PLCH1: variants seen among roughly 807,000 people sequenced by gnomAD.
The protein encoded by PLCH1 is phospholipase C eta 1, also known as 1-phosphatidylinositol 4,5-bisphosphate phosphodiesterase eta-1.
In PLCH1, 60 loss-of-function variants were observed where a neutral mutation model predicts 126.7. That is an observed-to-expected ratio of 0.47 (90% CI 0.38 to 0.59). The LOEUF (loss-of-function observed/expected upper bound fraction) is 0.59. Among genes scored for constraint, PLCH1 ranks in the 20% least tolerant of loss-of-function variants. The pLI is 0.00. For synonymous variants in PLCH1, 719 were observed against 734.9 expected (o/e 0.98, Z 0.35); for missense variants, 1,723 against 2,040.0 (o/e 0.84, Z 2.99).
intron 2 of PLCH1, among the ~76,000 whole-genome samples, chr3:155,653,138 T>C (rs368123956): frequency 1.7e-5 from 1 of 58,060 alleles, no homozygotes; most frequent in Non-Finnish European, 3.0e-5. Flanking sequence ...GATATAGATA[T>C]AGATATAGAT....
chr3:155,620,804 A>C (rs1455495736), intron 2 of PLCH1, among the ~76,000 whole-genome samples: 2 of 152,118 alleles, frequency 1.3e-5, no homozygotes, highest in East Asian at 3.9e-4. Flanking sequence ...GGGACAGAGC[A>C]CCTGGGGGAA....
chr3:155,536,732 A>T (rs1723408360), intron 10 of PLCH1, among the ~76,000 whole-genome samples: 1 of 152,182 alleles, frequency 6.6e-6, no homozygotes, highest in Non-Finnish European at 1.5e-5. Flanking sequence ...GAGAAATCTC[A>T]CAGTGTGGAA....
At chr3:155,465,128 A>C (rs537286836) in intron 21 of PLCH1, among the ~76,000 whole-genome samples, 1 of 149,084 alleles carries the variant, frequency 6.7e-6, no homozygotes, top group Non-Finnish European at 1.5e-5. Context: ...AAAAAAAAAG[A>C]GTGACAGACA....
intron 2 of PLCH1, among the ~76,000 whole-genome samples, chr3:155,637,104 A>C (rs1296318720): frequency 1.3e-5 from 2 of 152,204 alleles, no homozygotes; most frequent in Non-Finnish European, 2.9e-5. Context: ...TAAATTATAT[A>C]CTTTTAGAAC....
intron 2 of PLCH1, among the ~76,000 whole-genome samples, chr3:155,665,851 T>C (rs1222627077): frequency 6.6e-6 from 1 of 152,214 alleles, no homozygotes; most frequent in Non-Finnish European, 1.5e-5. Flanking sequence ...CCAGTATTAA[T>C]ATTTCAGAGC....
intron 10 of PLCH1, among the ~76,000 whole-genome samples, chr3:155,528,302 A>G (rs1181857154): frequency 6.6e-6 from 1 of 151,632 alleles, no homozygotes; most frequent in Admixed American, 6.6e-5. Context: ...GAATCAAAGC[A>G]TTTATTTCTG....
At chr3:155,712,221 G>A (rs1345077399) in intron 1 of PLCH1, among the ~76,000 whole-genome samples, 2 of 152,184 alleles carry the variant, frequency 1.3e-5, no homozygotes, top group African/African-American at 4.8e-5. Context: ...CCTTGGGCAA[G>A]TTTTTAACAA....
chr3:155,455,759 A>G (rs780025105), intron 21 of PLCH1, among the ~76,000 whole-genome samples: 26 of 152,236 alleles, frequency 1.7e-4, no homozygotes, highest in Non-Finnish European at 3.2e-4. Flanking sequence ...TTACTTCTAC[A>G]AAGAAATACA....
intron 2 of PLCH1, among the ~76,000 whole-genome samples, chr3:155,645,430 A>C (rs115350130): frequency 6.6e-6 from 1 of 152,160 alleles, no homozygotes; most frequent in Non-Finnish European, 1.5e-5. Flanking sequence ...TATAAGACAC[A>C]TAGTCACAGA....
At chr3:155,610,766 C>A in intron 2 of PLCH1, among the ~76,000 whole-genome samples, 1 of 147,920 alleles carries the variant, frequency 6.8e-6, no homozygotes, top group East Asian at 2.0e-4. Context: ...CTCCTTAAAG[C>A]ATAACTCTCA....
chr3:155,462,685 C>G (rs902932185), intron 21 of PLCH1, among the ~76,000 whole-genome samples: 1 of 152,146 alleles, frequency 6.6e-6, no homozygotes, highest in Non-Finnish European at 1.5e-5. Flanking sequence ...CCCTACCCAC[C>G]CCATCCCACT....
chr3:155,640,275 C>T (rs778146906), intron 2 of PLCH1, among the ~76,000 whole-genome samples: 2 of 152,130 alleles, frequency 1.3e-5, no homozygotes, highest in African/African-American at 2.4e-5. Flanking sequence ...GCCTGTGCTC[C>T]CAGTTCACCT....
intron 2 of PLCH1, among the ~76,000 whole-genome samples, chr3:155,680,702 C>A (rs1476967925): frequency 6.6e-6 from 1 of 152,136 alleles, no homozygotes; most frequent in Non-Finnish European, 1.5e-5. Context: ...AGTCAATAAT[C>A]ATTGCTGCTA....
chr3:155,724,703 T>C (rs1748184068), intron 1 of PLCH1, among the ~76,000 whole-genome samples: 1 of 152,164 alleles, frequency 6.6e-6, no homozygotes, highest in Non-Finnish European at 1.5e-5. Flanking sequence ...TCTGCCATTC[T>C]GTATATTTTA....
chr3:155,557,658 G>A (rs1010130728), intron 8 of PLCH1, among the ~76,000 whole-genome samples: 2 of 152,162 alleles, frequency 1.3e-5, no homozygotes, highest in African/African-American at 4.8e-5. Context: ...TGCTGTAAAT[G>A]GGAATGTTGG....
At chr3:155,631,756 A>G (rs1738053419) in intron 2 of PLCH1, among the ~76,000 whole-genome samples, 1 of 152,180 alleles carries the variant, frequency 6.6e-6, no homozygotes, top group African/African-American at 2.4e-5. Context: ...TTAAATCTCA[A>G]AGAAACATTT....
intron 2 of PLCH1, among the ~76,000 whole-genome samples, chr3:155,605,793 AAC>A (rs1419677597): frequency 6.6e-6 from 1 of 152,116 alleles, no homozygotes; most frequent in Admixed American, 6.5e-5. Context: ...TCTCTCCATG[AAC>A]AACTTCTAAC....
rs200278470 is a variant in PLCH1 at position 155,549,988 on chromosome 3, G to A, written c.1191-30C>T. The A allele has an allele frequency of 5.3e-5, 84 of 1,572,898 alleles. No individual in the cohort carries two copies. The African/African-American group carries it at 7.3e-4, about 14-fold the overall frequency. ...GAAAAGAGCAACACAGTCCAGAGGC[G>A]TCAGGTGCAGGCAACTCACAGGGAC... On this transcript the variant is annotated intron_variant, in intron 9 of 22. Transcript: ENST00000460012.
chr3:155,466,144 G>A (rs940819599), intron 21 of PLCH1, among the ~76,000 whole-genome samples: 2 of 152,198 alleles, frequency 1.3e-5, no homozygotes, highest in African/African-American at 4.8e-5. Flanking sequence ...GCAAACATAG[G>A]CAGTAGCCAG....
Sources: gnomAD v4.1 joint callset for allele counts (sites outside exome capture counted in the v4.1 genomes callset) on GRCh38, gnomAD v4.1.1 for gene constraint, MANE v1.5 for transcripts, NCBI Gene and HGNC (gene_info 2026-07-23, HGNC 2026-07-21) for gene names.